Variants in TOM1L2 observed in about 807,000 individuals in gnomAD.
TOM1L2 encodes the protein TOM1-like protein 2.
TOM1L2 carries 31 observed loss-of-function variants against 67.9 expected under a neutral mutation model. The observed-to-expected ratio is 0.46, with a 90% CI of 0.34 to 0.62. The LOEUF (loss-of-function observed/expected upper bound fraction) is 0.62. TOM1L2 is among the 20% of genes least tolerant of loss of function. The pLI is 0.01. For missense variants in TOM1L2, 606 were observed against 663.5 expected (o/e 0.91, Z 0.95); for synonymous variants, 256 against 254.0 (o/e 1.01, Z -0.07).
intron 1 of TOM1L2, among the ~76,000 whole-genome samples, chr17:17,963,814 T>A (rs1485220582): frequency 2.0e-5 from 3 of 152,130 alleles, no homozygotes; most frequent in Admixed American, 2.0e-4. Context: ...TAACACAAGA[T>A]AAATAACAAC....
chr17:17,925,497 C>G (rs2040044846), intron 1 of TOM1L2, among the ~76,000 whole-genome samples: 1 of 151,812 alleles, frequency 6.6e-6, no homozygotes, highest in Non-Finnish European at 1.5e-5. Context: ...AAGAAAGTGG[C>G]AAACTAATGA....
chr17:17,890,911 C>T (rs2038240324), intron 4 of TOM1L2, among the ~76,000 whole-genome samples: 4 of 152,200 alleles, frequency 2.6e-5, no homozygotes, highest in Admixed American at 2.0e-4. Flanking sequence ...TTGGTTCACC[C>T]TGTTACAGAA....
intron 6 of TOM1L2, among the ~76,000 whole-genome samples, chr17:17,880,073 T>C (rs908227882): frequency 6.6e-6 from 1 of 152,064 alleles, no homozygotes; most frequent in Non-Finnish European, 1.5e-5. Flanking sequence ...GGAACTTGAG[T>C]AGAAGCTGAA....
At chr17:17,855,410 A>T (rs2036204717) in intron 12 of TOM1L2, among the ~76,000 whole-genome samples, 1 of 152,142 alleles carries the variant, frequency 6.6e-6, no homozygotes, top group South Asian at 2.1e-4. Context: ...ATTCTCTCAC[A>T]TGAGGATATT....
At chr17:17,917,879 C>T (rs1382057652) in intron 1 of TOM1L2, among the ~76,000 whole-genome samples, 1 of 151,770 alleles carries the variant, frequency 6.6e-6, no homozygotes, top group African/African-American at 2.4e-5. Flanking sequence ...GACTTGAGCC[C>T]GGGAGGTCAA....
At chr17:17,856,665 T>C (rs1198425625) in intron 12 of TOM1L2, among the ~76,000 whole-genome samples, 1 of 152,212 alleles carries the variant, frequency 6.6e-6, no homozygotes, top group Non-Finnish European at 1.5e-5. Context: ...AGGCACATGT[T>C]TGCACTGCTT....
At chr17:17,962,321 C>T (rs2041714176) in intron 1 of TOM1L2, among the ~76,000 whole-genome samples, 1 of 117,074 alleles carries the variant, frequency 8.5e-6, no homozygotes, top group Non-Finnish European at 1.7e-5. Flanking sequence ...GTGATTGTTG[C>T]ATATTTTTTT....
At chr17:17,924,535 C>G (rs2040009322) in intron 1 of TOM1L2, among the ~76,000 whole-genome samples, 1 of 151,942 alleles carries the variant, frequency 6.6e-6, no homozygotes, top group South Asian at 2.1e-4. Flanking sequence ...TGCAGTGGCT[C>G]AAGCAGGAGG....
At chr17:17,913,181 CAGAG>C (rs2039473401) in intron 1 of TOM1L2, among the ~76,000 whole-genome samples, 1 of 103,090 alleles carries the variant, frequency 9.7e-6, no homozygotes, top group African/African-American at 3.0e-5. Flanking sequence ...ACCGTGGAAA[CAGAG>C]GGAGAGGGAG....
chr17:17,928,788 G>A (rs2040203888), intron 1 of TOM1L2, among the ~76,000 whole-genome samples: 2 of 152,230 alleles, frequency 1.3e-5, no homozygotes, highest in South Asian at 4.1e-4. Context: ...TGCTGTCTGT[G>A]TCTCAGGATT....
At chr17:17,908,329 T>C (rs1359976765) in intron 1 of TOM1L2, among the ~76,000 whole-genome samples, 2 of 152,190 alleles carry the variant, frequency 1.3e-5, no homozygotes. Flanking sequence ...GACATAAATG[T>C]AAGAGCTCAA....
At chr17:17,950,180 G>A (rs1268795712) in intron 1 of TOM1L2, among the ~76,000 whole-genome samples, 2 of 149,456 alleles carry the variant, frequency 1.3e-5, no homozygotes, top group Non-Finnish European at 3.0e-5. Context: ...TTTTTGAGAT[G>A]GCGTATCACT....
At chr17:17,916,622 G>C (rs1369892496) in intron 1 of TOM1L2, among the ~76,000 whole-genome samples, 1 of 152,084 alleles carries the variant, frequency 6.6e-6, no homozygotes, top group Non-Finnish European at 1.5e-5. Flanking sequence ...TTATTCCATT[G>C]GTCCATGTGT....
chr17:17,923,810 G>A (rs1215898178), intron 1 of TOM1L2, among the ~76,000 whole-genome samples: 1 of 152,054 alleles, frequency 6.6e-6, no homozygotes, highest in East Asian at 1.9e-4. Context: ...AGACACTCCA[G>A]TCTGAGAGAC....
intron 1 of TOM1L2, among the ~76,000 whole-genome samples, chr17:17,928,274 T>G (rs1195383699): frequency 6.6e-6 from 1 of 152,046 alleles, no homozygotes; most frequent in Non-Finnish European, 1.5e-5. Flanking sequence ...GATGCATAAT[T>G]GAGAAAAACA....
At chr17:17,909,349 T>C (rs56232485) in intron 1 of TOM1L2, among the ~76,000 whole-genome samples, 2,698 of 152,264 alleles carry the variant, frequency 0.018, 89 homozygotes, top group African/African-American at 0.062. Context: ...GTAAACAGCC[T>C]GTGTCCATCA....
At chr17:17,903,562 G>A (rs975036438) in intron 2 of TOM1L2, among the ~76,000 whole-genome samples, 11 of 149,576 alleles carry the variant, frequency 7.4e-5, no homozygotes, top group Non-Finnish European at 1.0e-4. Context: ...GCAGTGAGCC[G>A]AGATCGCGCC....
At chr17:17,886,645 C>T (rs572122061) in intron 4 of TOM1L2, among the ~76,000 whole-genome samples, 4 of 152,380 alleles carry the variant, frequency 2.6e-5, no homozygotes, top group African/African-American at 9.6e-5. Flanking sequence ...CCTGGCACCA[C>T]TTCATGCCTT....
chr17:17,917,450 CTTTTTTTTTTTTTTTTT>C (rs71155307), intron 1 of TOM1L2, among the ~76,000 whole-genome samples: 7 of 36,350 alleles, frequency 1.9e-4, no homozygotes, highest in South Asian at 1.8e-3. Context: ...TACCATTGGT[CTTTTTTTTTTTTTTTTT>C]TTTTTTTTTT....
Sources: allele counts gnomAD v4.1 joint callset (sites outside exome capture counted in the v4.1 genomes callset), GRCh38; gene constraint gnomAD v4.1.1; transcripts MANE v1.5; gene names NCBI Gene and HGNC (gene_info 2026-07-23, HGNC 2026-07-21).